DLG2: variants seen among roughly 807,000 people sequenced by gnomAD.
The protein encoded by DLG2 is discs large MAGUK scaffold protein 2.
In DLG2, 45 loss-of-function variants were observed where a neutral mutation model predicts 132.5. The ratio of observed to expected loss-of-function variants is 0.34; its 90% CI spans 0.27 to 0.44. The LOEUF is 0.44. Among genes scored for constraint, DLG2 ranks in the 20% least tolerant of loss-of-function variants. The pLI is 1.00. For synonymous variants in DLG2, 424 were observed against 419.6 expected (o/e 1.01, Z -0.13); for missense variants, 1,045 against 1,196.9 (o/e 0.87, Z 1.87).
intron 6 of DLG2, among the ~76,000 whole-genome samples, chr11:84,734,265 C>G (rs1334096323): frequency 6.6e-6 from 1 of 152,128 alleles, no homozygotes; most frequent in Non-Finnish European, 1.5e-5. Context: ...TCTTCCTATC[C>G]AGGAGCATGG....
chr11:84,356,787 C>T (rs942419463), intron 7 of DLG2, among the ~76,000 whole-genome samples: 2 of 151,520 alleles, frequency 1.3e-5, no homozygotes, highest in African/African-American at 4.9e-5. Flanking sequence ...AGAGAATGAA[C>T]ATAGAAAGAG....
intron 8 of DLG2, among the ~76,000 whole-genome samples, chr11:84,240,035 TC>T (rs2097206559): frequency 6.6e-6 from 1 of 152,198 alleles, no homozygotes; most frequent in African/African-American, 2.4e-5. Context: ...TCCCTTTGCA[TC>T]TAGGAATGGC....
chr11:85,343,840 C>T (rs2082660318), intron 3 of DLG2, among the ~76,000 whole-genome samples: 1 of 152,102 alleles, frequency 6.6e-6, no homozygotes. Flanking sequence ...AGGTGAGCAA[C>T]AGGGAGTGTT....
intron 6 of DLG2, among the ~76,000 whole-genome samples, chr11:84,866,951 G>C (rs1433786633): frequency 1.3e-5 from 2 of 152,208 alleles, no homozygotes; most frequent in East Asian, 3.8e-4. Context: ...AGGGGCCATA[G>C]TTGTATTTTT....
intron 9 of DLG2, among the ~76,000 whole-genome samples, chr11:84,108,964 G>T (rs1487179519): frequency 4.6e-5 from 7 of 152,156 alleles, no homozygotes; most frequent in Admixed American, 4.6e-4. Context: ...CACATAGCTG[G>T]ACAGGGATGC....
chr11:84,939,374 C>A (rs1202873737), intron 6 of DLG2, among the ~76,000 whole-genome samples: 1 of 152,132 alleles, frequency 6.6e-6, no homozygotes, highest in Non-Finnish European at 1.5e-5. Flanking sequence ...TCTATCACCT[C>A]AAGGATTTAT....
intron 3 of DLG2, among the ~76,000 whole-genome samples, chr11:85,586,385 C>T (rs2078973722): frequency 6.6e-6 from 1 of 152,016 alleles, no homozygotes; most frequent in South Asian, 2.1e-4. Context: ...AATTTCGCTG[C>T]TTGTTATTGG....
In DLG2 at chr11:84,934,515, G is replaced by GGTTTT. The variant is rs1566441569; in HGVS notation, c.357+177145_357+177146insAAAAC. On this transcript the variant is annotated intron_variant, in intron 6 of 27. Transcript: ENST00000376104. Reference sequence around the variant, plus strand: ...GTATGGTCCTGGGTGTTTTTTTTTTGTTTTGTTTTGTTTTTTTTTTTTTTT... The same window carrying GGTTTT: ...GTATGGTCCTGGGTGTTTTTTTTTTGGTTTTTTTTGTTTTGTTTTTTTTTTTTTTT... Among the ~76,000 whole-genome samples the GGTTTT allele has an allele frequency of 7.2e-4, 29 of 40,506 alleles. 1 individual carries two copies. The highest frequency in any genetic ancestry group is 1.0e-3 in the Admixed American group (3 of 2,998). The allele number at this position is 40,506 out of a possible 152,430, so 26.6% of individuals were successfully genotyped here. A position where few individuals can be genotyped will look rare whatever the true frequency, so the allele number is the denominator to read the frequency against.
intron 6 of DLG2, among the ~76,000 whole-genome samples, chr11:84,934,520 G>GTTTTTTTTTTTTTTTT (rs1277703004): frequency 1.0e-4 from 4 of 39,136 alleles, no homozygotes; most frequent in African/African-American, 3.3e-4. Context: ...TTTTTGTTTT[G>GTTTTTTTTTTTTTTTT]TTTTGTTTTT....
chr11:84,260,348 G>C (rs2097535019), intron 7 of DLG2, among the ~76,000 whole-genome samples: 1 of 152,160 alleles, frequency 6.6e-6, no homozygotes, highest in African/African-American at 2.4e-5. Context: ...GGGATTGCTT[G>C]AACTGTTAGT....
intron 15 of DLG2, among the ~76,000 whole-genome samples, chr11:83,882,692 C>T (rs2066617417): frequency 6.6e-6 from 1 of 152,136 alleles, no homozygotes; most frequent in Admixed American, 6.5e-5. Flanking sequence ...TTAAGACATG[C>T]AGGCAGTTTT....
At chr11:85,394,623 T>C (rs1207613279) in intron 3 of DLG2, among the ~76,000 whole-genome samples, 1 of 152,246 alleles carries the variant, frequency 6.6e-6, no homozygotes, top group Non-Finnish European at 1.5e-5. Flanking sequence ...ATTCAGTAAG[T>C]ATTTTATTAA....
At chr11:84,002,787 G>A (rs1282618209) in intron 11 of DLG2, among the ~76,000 whole-genome samples, 1 of 152,136 alleles carries the variant, frequency 6.6e-6, no homozygotes, top group Non-Finnish European at 1.5e-5. Flanking sequence ...CATTGTCTTG[G>A]TGATTAACGT....
At chr11:84,086,491 C>CTTT (rs66719037) in intron 10 of DLG2, among the ~76,000 whole-genome samples, 2 of 110,488 alleles carry the variant, frequency 1.8e-5, no homozygotes, top group African/African-American at 6.6e-5. Context: ...TTCTTTCTTT[C>CTTT]TTTTTTTTTT....
At chr11:85,559,134 A>G (rs1023708211) in intron 3 of DLG2, among the ~76,000 whole-genome samples, 18 of 150,774 alleles carry the variant, frequency 1.2e-4, no homozygotes, top group African/African-American at 4.4e-4. Flanking sequence ...CACATATTAT[A>G]TGGCTTCCAT....
intron 6 of DLG2, among the ~76,000 whole-genome samples, chr11:84,662,826 T>G (rs2099695974): frequency 6.6e-6 from 1 of 150,552 alleles, no homozygotes; most frequent in African/African-American, 2.4e-5. Context: ...CTTCTGAGTT[T>G]GAAGGTCCTG....
chr11:83,978,456 A>G (rs921257734), intron 12 of DLG2, among the ~76,000 whole-genome samples: 1 of 152,124 alleles, frequency 6.6e-6, no homozygotes, highest in Non-Finnish European at 1.5e-5. Context: ...TTCAAGCAAT[A>G]AAGTTTATAT....
intron 7 of DLG2, among the ~76,000 whole-genome samples, chr11:84,293,069 T>C (rs1000057614): frequency 2.0e-5 from 3 of 152,066 alleles, no homozygotes; most frequent in Admixed American, 6.6e-5. Context: ...CTAAGGAATT[T>C]GGTCTGTATC....
chr11:85,434,771 C>T (rs1292553151), intron 3 of DLG2, among the ~76,000 whole-genome samples: 2 of 151,976 alleles, frequency 1.3e-5, no homozygotes, highest in Admixed American at 6.6e-5. Context: ...ACCATTCCCT[C>T]AGACTATTCC....
Sources: gnomAD v4.1 joint callset for allele counts (sites outside exome capture counted in the v4.1 genomes callset) on GRCh38, gnomAD v4.1.1 for gene constraint, MANE v1.5 for transcripts, NCBI Gene and HGNC (gene_info 2026-07-23, HGNC 2026-07-21) for gene names.